The following TEP1 variants were observed in gnomAD, a reference collection of about 807,000 sequenced individuals.
The protein encoded by TEP1 is telomerase associated protein 1.
TEP1 carries 241 observed loss-of-function variants against 306.3 expected under a neutral mutation model. The ratio of observed to expected loss-of-function variants is 0.79; its 90% CI spans 0.71 to 0.88. The LOEUF (loss-of-function observed/expected upper bound fraction) is 0.88. Among genes scored for constraint, TEP1 ranks in the 40% least tolerant of loss-of-function variants. The pLI is 0.00. For synonymous variants in TEP1, 1,289 were observed against 1,305.5 expected, an observed-to-expected ratio of 0.99 and a Z score of 0.27; for missense variants, 3,051 against 3,276.1, an observed-to-expected ratio of 0.93 and a Z score of 1.68.
intron 40 of TEP1, 48 bp from the exon 41 acceptor site, chr14:20,377,540 G>A: frequency 6.2e-7 from 1 of 1,612,476 alleles, no homozygotes; most frequent in Non-Finnish European, 8.5e-7. Flanking sequence ...GGAAGGGGTA[G>A]GGGGCAGGGG....
chr14:20,387,561 A>G (rs879631375), intron 18 of TEP1, among the ~76,000 whole-genome samples: 3 of 151,670 alleles, frequency 2.0e-5, no homozygotes, highest in Admixed American at 1.3e-4. Context: ...CAAAAAAAAA[A>G]AGAAATTAAG....
At chr14:20,399,394 G>A (rs1878474923) in intron 9 of TEP1, among the ~76,000 whole-genome samples, 1 of 152,042 alleles carries the variant, frequency 6.6e-6, no homozygotes, top group African/African-American at 2.4e-5. Flanking sequence ...TTATCCTTAA[G>A]ATTGCAAAAT....
Position 20,391,697 on chromosome 14 carries a change from CAG to C in TEP1, c.1997_1998del (p.Ser666CysfsTer21), listed in dbSNP as rs750965967. ...RQALETAVNL[S>X]VKHSLPLLPG... ...GGCAGCAGGGGCAGGCTGTGCTTCA[CAG>C]AGAGGTTCACAGCTGTCTCTAGGGC... On this transcript the variant is annotated frameshift_variant, in exon 13 of 55. Transcript: ENST00000262715. LOFTEE classifies it high-confidence loss of function. 1.5e-5 allele frequency: 24 copies of C among 1,614,228 alleles called. No homozygotes were observed. The South Asian group carries it at 2.6e-4, about 18-fold the overall frequency.
chr14:20,378,564 G>A (rs780413618), intron 37 of TEP1, 29 bp from the exon 38 acceptor site: 2 of 1,613,784 alleles, frequency 1.2e-6, no homozygotes, highest in Non-Finnish European at 1.7e-6. Flanking sequence ...GAATCAGGAT[G>A]CTGAAGAGAG....
At chr14:20,400,927 T>C (rs769430425) in intron 9 of TEP1, 57 bp downstream of exon 9, 26 of 1,580,318 alleles carry the variant, frequency 1.6e-5, no homozygotes, top group African/African-American at 5.4e-5. Flanking sequence ...GGATCTAAAA[T>C]GTGGAGGCAT....
chr14:20,369,132 C>T (rs1204056898), intron 53 of TEP1, among the ~76,000 whole-genome samples: 4 of 152,052 alleles, frequency 2.6e-5, no homozygotes, highest in African/African-American at 7.2e-5. Context: ...CTCAGACTCC[C>T]GAGTAGCTGG....
In TEP1 at chr14:20,386,078, G is replaced by T. The variant is rs1380808083; in HGVS notation, c.2979C>A (p.His993Gln). ...CCTCCAAACCTGTCTGCCTTACCCA[G>T]TGGAAGTGTGGATGGTCAGGAAGGT... ...SYNLPDHPHF[H>Q]WAQQYPSGRS... The change falls in exon 20 of 55, where the codon CAC becomes CAA. Residue 993 changes from histidine (H) to glutamine (Q), a missense_variant. Transcript: ENST00000262715. 5.6e-6 allele frequency: 9 copies of T among 1,608,994 alleles called. No homozygotes were observed. Among genetic ancestry groups the T allele is most frequent in the Non-Finnish European group, 6.8e-6 (8 of 1,178,178 alleles).
chr14:20,398,674 A>G (rs1878423065), intron 9 of TEP1, among the ~76,000 whole-genome samples: 1 of 152,168 alleles, frequency 6.6e-6, no homozygotes, highest in Admixed American at 6.6e-5. Flanking sequence ...TTTAGATAAA[A>G]GTAAACATAA....
chr14:20,386,475 C>T lies in TEP1; in HGVS notation c.2833G>A (p.Val945Ile), dbSNP rs565054632. ...TTCCTACGGGTCTCCTCCTCAGTGA[C>T]GCCCCAGCGGAGGTCGATTCCGTGA... ...SLHGIDLRWG[V>I]TEEETRRNRQ... The change falls in exon 19 of 55, where the codon GTC becomes ATC. Residue 945 changes from valine to isoleucine, a missense_variant. This residue lies in a region of TEP1 where 1,507 missense variants were observed against 1,550.5 expected (regional missense o/e 0.97). Transcript: ENST00000262715. 47 of 1,608,776 alleles carry T rather than the reference C, an allele frequency of 2.9e-5. No homozygotes were observed. Among genetic ancestry groups the T allele is most frequent in the South Asian group, 1.4e-4 (13 of 90,734 alleles).
Position 20,365,804 on chromosome 14 carries a change from T to C in TEP1, c.*2633A>G, listed in dbSNP as rs1884445180. ...CAATTTGTGAACTGGCACTAGTCCA[T>C]GAACCAAACTTTGAGTACCTCTGCT... On this transcript the variant is annotated 3_prime_UTR_variant, in exon 55 of 55. Transcript: ENST00000262715. 1.3e-5 allele frequency: 2 copies of C among 152,356 alleles called. No homozygotes were observed. The highest frequency in any genetic ancestry group is 4.1e-4 in the South Asian group (2 of 4,834). 9.4% of individuals were successfully genotyped at this position (152,356 alleles called of 1,614,324 possible).
chr14:20,395,718 G>A (rs1232083083), intron 11 of TEP1, 91 bp from the exon 12 acceptor site: 1 of 1,532,056 alleles, frequency 6.5e-7, no homozygotes, highest in Non-Finnish European at 8.9e-7. Context: ...CAACCCTTGG[G>A]GCTGGCAAGT....
chr14:20,404,471 G>T, intron 5 of TEP1, 140 bp downstream of exon 5: 1 of 1,079,088 alleles, frequency 9.3e-7, no homozygotes, highest in Non-Finnish European at 1.3e-6. Context: ...CTAGTGGAGG[G>T]AGAAGCTGTC....
rs763466192 is a variant in TEP1 at position 20,383,764 on chromosome 14, C to T, written c.3689G>A (p.Gly1230Asp). The T allele has an allele frequency of 3.1e-6, 5 of 1,611,750 alleles. No individual in the cohort carries two copies. The highest frequency in any genetic ancestry group is 4.2e-6 in the Non-Finnish European group (5 of 1,179,396). Residue 1230 changes from glycine (G) to aspartate (D), a missense_variant, in exon 25 of 55, where the codon GGT becomes GAT. Gly to Asp is a moderately conservative substitution (Grantham distance 94, BLOSUM62 -1). Transcript: ENST00000262715. The stretch of plus-strand genomic sequence containing the variant: ...CCACCGGTAGGTGCTGGGGAGGGCA[C>T]CTGGCTCTTTTAGTTGGCCACGCAG... Reference protein sequence around the residue: ...TYLRGQLKEPGALPSTYRSLV... With the variant: ...TYLRGQLKEPDALPSTYRSLV...
intron 18 of TEP1, among the ~76,000 whole-genome samples, chr14:20,387,181 G>A (rs1165270254): frequency 1.3e-5 from 2 of 150,036 alleles, no homozygotes; most frequent in African/African-American, 2.4e-5. Context: ...TGATCTGCCC[G>A]CCTCGACCTC....
At chr14:20,379,562 C>T (rs1200840179) in intron 35 of TEP1, among the ~76,000 whole-genome samples, 2 of 152,228 alleles carry the variant, frequency 1.3e-5, no homozygotes, top group Non-Finnish European at 2.9e-5. Flanking sequence ...GCCTGCCCTT[C>T]TCTATCCTAT....
intron 5 of TEP1, among the ~76,000 whole-genome samples, chr14:20,404,172 T>C (rs1472629274): frequency 6.6e-6 from 1 of 152,114 alleles, no homozygotes; most frequent in Non-Finnish European, 1.5e-5. Flanking sequence ...CTGGCCATCA[T>C]GGTGAAACCC....
At position 20,374,540 on chromosome 14, in the gene TEP1, C is replaced by T. The variant is rs951616575; in HGVS notation, c.6364-4G>A. Reference sequence around the variant, plus strand: ...AGCCATCACTGGAGCAGGATATCTACAGAGTCAGAAGTCAGAGGAGTGGGA... The same window carrying T: ...AGCCATCACTGGAGCAGGATATCTATAGAGTCAGAAGTCAGAGGAGTGGGA... On this transcript the variant is annotated splice_polypyrimidine_tract_variant and splice_region_variant and intron_variant, in intron 43 of 54. Transcript: ENST00000262715. The T allele has an allele frequency of 6.2e-7, 1 of 1,607,492 alleles. No individual in the cohort carries two copies. Among genetic ancestry groups the T allele is most frequent in the Admixed American group, 1.7e-5 (1 of 59,574 alleles).
In TEP1 at chr14:20,396,749, A is replaced by G; in HGVS notation, c.1550-19T>C. 1 of 1,569,712 alleles carries G rather than the reference A, an allele frequency of 6.4e-7. No homozygotes were observed. Among genetic ancestry groups the G allele is most frequent in the African/African-American group, 1.4e-5 (1 of 74,000 alleles). On this transcript the variant is annotated intron_variant, in intron 9 of 54. Transcript: ENST00000262715. ...CCATTTTCTGTGGAATGTGGGGCAT[A>G]GAGTGAGAAAAACAAATGAGAAGGC...
Position 20,377,539 on chromosome 14 carries a change from AG to A in TEP1, c.5876-48del, listed in dbSNP as rs758036278. ...GGGAGTAAGACACTTGGGAAGGGGT[AG>A]GGGGCAGGGGCTGCGCTCTTTCTAA... On this transcript the variant is annotated intron_variant, in intron 40 of 54. Coordinates refer to ENST00000262715, the MANE Select transcript of TEP1 (RefSeq NM_007110.5). The A allele has an allele frequency of 6.2e-6, 10 of 1,612,378 alleles. No homozygotes were observed. The South Asian group carries it at 1.1e-4, about 18-fold the overall frequency.
Sources: allele counts gnomAD v4.1 joint callset (sites outside exome capture counted in the v4.1 genomes callset), GRCh38; gene constraint gnomAD v4.1.1; regional missense constraint gnomAD v4.1.1; transcripts MANE v1.5; gene names NCBI Gene and HGNC (gene_info 2026-07-23, HGNC 2026-07-21).